The following STK32C variants were observed in gnomAD, a reference collection of about 807,000 sequenced individuals.
STK32C encodes serine/threonine kinase 32C.
In STK32C, 31 loss-of-function variants were observed where a neutral mutation model predicts 56.5. The ratio of observed to expected loss-of-function variants is 0.55; its 90% CI spans 0.41 to 0.74. The LOEUF is 0.74. Among genes scored for constraint, STK32C ranks in the 30% least tolerant of loss-of-function variants. The probability of loss-of-function intolerance (pLI) is 0.00; values close to 1 mark genes in which losing one functional copy is unlikely to be tolerated. For missense variants in STK32C, 544 were observed against 676.9 expected (o/e 0.80, Z 2.18); for synonymous variants, 309 against 289.4 (o/e 1.07, Z -0.69).
At chr10:132,326,374 C>G (rs1425992529) in intron 1 of STK32C, among the ~76,000 whole-genome samples, 1 of 152,216 alleles carries the variant, frequency 6.6e-6, no homozygotes, top group East Asian at 1.9e-4. Flanking sequence ...ACCCTGCCAC[C>G]AGGCTGGAGT....
intron 1 of STK32C, among the ~76,000 whole-genome samples, chr10:132,318,665 A>T (rs1019111129): frequency 1.3e-5 from 2 of 152,134 alleles, no homozygotes; most frequent in Non-Finnish European, 2.9e-5. Context: ...ACATTTCACC[A>T]AATAAGACAT....
intron 1 of STK32C, among the ~76,000 whole-genome samples, chr10:132,258,408 C>T (rs923877994): frequency 1.3e-5 from 2 of 152,370 alleles, no homozygotes; most frequent in African/African-American, 4.8e-5. Context: ...TGGCCCTGGC[C>T]GCCCCCCATC....
At chr10:132,330,832 T>A (rs1326698210) in intron 1 of STK32C, among the ~76,000 whole-genome samples, 1 of 151,540 alleles carries the variant, frequency 6.6e-6, no homozygotes, top group Non-Finnish European at 1.5e-5. Flanking sequence ...CTTACTGTGA[T>A]CTCTTCACAA....
intron 1 of STK32C, among the ~76,000 whole-genome samples, chr10:132,259,753 T>C (rs1007988514): frequency 6.6e-6 from 1 of 152,200 alleles, no homozygotes; most frequent in Non-Finnish European, 1.5e-5. Flanking sequence ...GTTCTAGCAA[T>C]GCGAAAACGG....
intron 2 of STK32C, among the ~76,000 whole-genome samples, chr10:132,231,092 A>G (rs1196694747): frequency 6.6e-6 from 1 of 152,066 alleles, no homozygotes; most frequent in Non-Finnish European, 1.5e-5. Context: ...CCTGGGCTCC[A>G]TCTGGGACCA....
At chr10:132,269,346 C>T (rs1186937942) in intron 1 of STK32C, among the ~76,000 whole-genome samples, 1 of 152,214 alleles carries the variant, frequency 6.6e-6, no homozygotes, top group African/African-American at 2.4e-5. Context: ...ACACATGGTG[C>T]CTGGAGCCTG....
intron 1 of STK32C, among the ~76,000 whole-genome samples, chr10:132,279,993 C>T (rs534761184): frequency 7.4e-6 from 1 of 135,804 alleles, no homozygotes; most frequent in African/African-American, 2.8e-5. Context: ...TGACCACGCC[C>T]CTGCACTCTG....
chr10:132,257,859 T>G (rs1048491019), intron 1 of STK32C, among the ~76,000 whole-genome samples: 4 of 152,034 alleles, frequency 2.6e-5, no homozygotes, highest in Admixed American at 2.0e-4. Context: ...CTCAGGGCTC[T>G]CGAGCCTCCA....
At position 132,257,134 on chromosome 10, in the gene STK32C, A is replaced by G. The variant is rs573009597; in HGVS notation, c.263-11179T>C. Among the ~76,000 whole-genome samples the G allele has an allele frequency of 3.7e-4, 57 of 152,234 alleles. No individual in the cohort carries two copies. The East Asian group carries it at 0.01, about 27-fold the overall frequency. The stretch of plus-strand genomic sequence containing the variant: ...CTGTGGGACCAGCTGGGGGCTGCCC[A>G]TGAGGCTGGGTCCTCAGGGGGGTGA... On this transcript the variant is annotated intron_variant, in intron 1 of 11. Transcript: ENST00000298630.
chr10:132,316,327 A>G (rs1003120969), intron 1 of STK32C, among the ~76,000 whole-genome samples: 6 of 152,208 alleles, frequency 3.9e-5, no homozygotes, highest in African/African-American at 1.4e-4. Context: ...AGTTAAAAAA[A>G]TAAGGCCAGG....
At chr10:132,282,662 T>C (rs80137121) in intron 1 of STK32C, among the ~76,000 whole-genome samples, 4,209 of 152,226 alleles carry the variant, frequency 0.028, 188 homozygotes, top group African/African-American at 0.095. Flanking sequence ...AAAATAATAA[T>C]AACAACGACG....
intron 1 of STK32C, among the ~76,000 whole-genome samples, chr10:132,267,186 T>C (rs1469027455): frequency 1.3e-5 from 2 of 152,220 alleles, no homozygotes; most frequent in African/African-American, 2.4e-5. Context: ...CCAGCTGCAG[T>C]AGCAGCCCCT....
chr10:132,301,704 A>G (rs2065915821), intron 1 of STK32C, among the ~76,000 whole-genome samples: 2 of 152,250 alleles, frequency 1.3e-5, no homozygotes, highest in South Asian at 4.1e-4. Flanking sequence ...GATGTGAACC[A>G]GGAGCTGCAC....
intron 1 of STK32C, among the ~76,000 whole-genome samples, chr10:132,297,977 C>T (rs11146318): frequency 0.21 from 32,554 of 152,170 alleles, 3,994 homozygotes; most frequent in Non-Finnish European, 0.3. Context: ...TGGTGCTCTG[C>T]GGCAGCAACC....
At chr10:132,240,525 A>G (rs1278595277) in intron 2 of STK32C, among the ~76,000 whole-genome samples, 2 of 152,122 alleles carry the variant, frequency 1.3e-5, no homozygotes, top group Non-Finnish European at 2.9e-5. Context: ...TTCACCCACA[A>G]ACATGCTCAT....
downstream of STK32C, among the ~76,000 whole-genome samples, chr10:132,319,421 A>G (rs1034312392): frequency 1.3e-5 from 2 of 152,238 alleles, no homozygotes; most frequent in Non-Finnish European, 2.9e-5. Context: ...CAAACTGTAG[A>G]TAGTCCAAAT....
intron 1 of STK32C, among the ~76,000 whole-genome samples, chr10:132,279,721 C>CACGACACTCCACTCCG (rs1564771468): frequency 6.4e-5 from 4 of 62,362 alleles, no homozygotes; most frequent in African/African-American, 4.2e-4. Flanking sequence ...ACTCCACTCC[C>CACGACACTCCACTCCG]TGATCACACC....
exon 1 of STK32C, chr10:132,331,822 T>C (rs779244035): frequency 1.9e-6 from 3 of 1,550,910 alleles, no homozygotes; most frequent in Admixed American, 1.9e-5. Context: ...CACCACCCCT[T>C]CAAGGCCGCG....
chr10:132,257,739 C>A (rs1279261828), intron 1 of STK32C, among the ~76,000 whole-genome samples: 2 of 151,926 alleles, frequency 1.3e-5, no homozygotes, highest in Non-Finnish European at 2.9e-5. Flanking sequence ...CAACCCCCAC[C>A]CTCCACCAGG....
Sources: gnomAD v4.1 joint callset for allele counts (sites outside exome capture counted in the v4.1 genomes callset) on GRCh38, gnomAD v4.1.1 for gene constraint, MANE v1.5 for transcripts, NCBI Gene and HGNC (gene_info 2026-07-23, HGNC 2026-07-21) for gene names.